MYO1E: variants seen among roughly 807,000 people sequenced by gnomAD.
The protein encoded by MYO1E is myosin IE.
In MYO1E, 68 loss-of-function variants were observed where a neutral mutation model predicts 151.1. The ratio of observed to expected loss-of-function variants is 0.45; its 90% CI spans 0.37 to 0.55. The LOEUF (loss-of-function observed/expected upper bound fraction) is 0.55. Ranked by LOEUF, MYO1E falls within the 20% of genes least tolerant of loss-of-function variation. MYO1E has a pLI of 0.00. For synonymous variants in MYO1E, 601 were observed against 501.7 expected (o/e 1.20, Z -2.64); for missense variants, 1,363 against 1,389.3 (o/e 0.98, Z 0.30).
At chr15:59,297,651 G>T (rs2080458705) in intron 1 of MYO1E, among the ~76,000 whole-genome samples, 1 of 151,390 alleles carries the variant, frequency 6.6e-6, no homozygotes, top group Non-Finnish European at 1.5e-5. Flanking sequence ...GTGCGATGAG[G>T]GCTCACTGCC....
At chr15:59,372,055 T>A (rs914979568) in intron 1 of MYO1E, among the ~76,000 whole-genome samples, 1 of 149,030 alleles carries the variant, frequency 6.7e-6, no homozygotes, top group East Asian at 2.0e-4. Context: ...GGCGCGAGGG[T>A]GCCCGGGGCG....
intron 26 of MYO1E, among the ~76,000 whole-genome samples, chr15:59,141,861 A>G (rs1267919462): frequency 6.7e-6 from 1 of 150,362 alleles, no homozygotes; most frequent in African/African-American, 2.5e-5. Context: ...TAATCCCAGC[A>G]CTTGGGGAGG....
At chr15:59,207,396 A>G in intron 14 of MYO1E, 1 of 1,614,058 alleles carries the variant, frequency 6.2e-7, no homozygotes, top group South Asian at 1.1e-5. Context: ...AAGAAAAGGG[A>G]GAAACGCGCC....
At chr15:59,146,627 G>A (rs764124344) in intron 26 of MYO1E, among the ~76,000 whole-genome samples, 5 of 151,782 alleles carry the variant, frequency 3.3e-5, no homozygotes, top group Non-Finnish European at 7.4e-5. Flanking sequence ...ATGATGGGGA[G>A]TTGCAGCAAG....
chr15:59,151,010 G>GACAC (rs60541381), intron 26 of MYO1E, among the ~76,000 whole-genome samples: 13 of 141,186 alleles, frequency 9.2e-5, no homozygotes, highest in South Asian at 4.8e-4. Flanking sequence ...AGAGGAGAGG[G>GACAC]ACACACACAC....
At chr15:59,282,625 T>A (rs544282238) in intron 1 of MYO1E, among the ~76,000 whole-genome samples, 18 of 151,398 alleles carry the variant, frequency 1.2e-4, no homozygotes, top group African/African-American at 4.4e-4. Flanking sequence ...GAGGGAGGAC[T>A]GCTTGAGCCC....
chr15:59,200,337 C>T (rs146074463), intron 16 of MYO1E, among the ~76,000 whole-genome samples: 153 of 152,326 alleles, frequency 1.0e-3, no homozygotes, highest in African/African-American at 3.5e-3. Context: ...AGACACTTCA[C>T]GCAGACATTA....
At chr15:59,202,450 C>T (rs972276340) in intron 15 of MYO1E, 43 bp from the exon 16 acceptor site, 1 of 1,565,822 alleles carries the variant, frequency 6.4e-7, no homozygotes, top group Non-Finnish European at 8.8e-7. Context: ...CTGTAAGTAC[C>T]TCTGGGGCTG....
chr15:59,180,075 C>T (rs2140320874), intron 18 of MYO1E, among the ~76,000 whole-genome samples: 1 of 152,348 alleles, frequency 6.6e-6, no homozygotes, highest in African/African-American at 2.4e-5. Context: ...TTTTAGGAGC[C>T]TTCTCTGCTC....
At chr15:59,333,574 C>T (rs1198112680) in intron 1 of MYO1E, among the ~76,000 whole-genome samples, 2 of 152,184 alleles carry the variant, frequency 1.3e-5, no homozygotes, top group Non-Finnish European at 2.9e-5. Flanking sequence ...CAACCTCCCA[C>T]ACCCATTGTG....
intron 1 of MYO1E, among the ~76,000 whole-genome samples, chr15:59,330,450 C>T (rs1420914596): frequency 1.3e-5 from 2 of 152,266 alleles, no homozygotes; most frequent in South Asian, 2.1e-4. Context: ...AGGCAAAGTA[C>T]GTATAACTCA....
At chr15:59,280,453 C>G (rs772876322) in intron 1 of MYO1E, among the ~76,000 whole-genome samples, 4 of 151,952 alleles carry the variant, frequency 2.6e-5, no homozygotes, top group Non-Finnish European at 5.9e-5. Context: ...TGTGAAACCC[C>G]GTCCCTGCTA....
At chr15:59,185,945 G>A (rs1255224809) in intron 18 of MYO1E, among the ~76,000 whole-genome samples, 2 of 152,208 alleles carry the variant, frequency 1.3e-5, no homozygotes, top group African/African-American at 4.8e-5. Flanking sequence ...AATGTCAGTG[G>A]TCTGAGGTTG....
chr15:59,327,704 T>C (rs1459129483), intron 1 of MYO1E, among the ~76,000 whole-genome samples: 6 of 152,158 alleles, frequency 3.9e-5, no homozygotes, highest in Admixed American at 3.9e-4. Flanking sequence ...ATATCCTAAA[T>C]CATCCTGACC....
At chr15:59,293,673 G>C (rs1479817681) in intron 1 of MYO1E, among the ~76,000 whole-genome samples, 3 of 152,154 alleles carry the variant, frequency 2.0e-5, no homozygotes, top group Admixed American at 2.0e-4. Flanking sequence ...AGGCATCACA[G>C]TGAATTCAGA....
chr15:59,327,885 T>C (rs2080675041), intron 1 of MYO1E, among the ~76,000 whole-genome samples: 1 of 152,176 alleles, frequency 6.6e-6, no homozygotes, highest in African/African-American at 2.4e-5. Flanking sequence ...GGACTGCCAT[T>C]TCCAGACATG....
chr15:59,142,514 C>T (rs1332593745), intron 26 of MYO1E, among the ~76,000 whole-genome samples: 5 of 152,242 alleles, frequency 3.3e-5, no homozygotes, highest in Non-Finnish European at 4.4e-5. Context: ...TTCTGTCCTT[C>T]GTGTCTTCCT....
At chr15:59,310,569 A>G (rs915064895) in intron 1 of MYO1E, among the ~76,000 whole-genome samples, 3 of 152,214 alleles carry the variant, frequency 2.0e-5, no homozygotes, top group Non-Finnish European at 2.9e-5. Flanking sequence ...GAGCAAAAGC[A>G]TGGAACAGAA....
chr15:59,346,074 A>C (rs1157585319), intron 1 of MYO1E, among the ~76,000 whole-genome samples: 1 of 152,220 alleles, frequency 6.6e-6, no homozygotes, highest in Non-Finnish European at 1.5e-5. Context: ...CCTGGAATCA[A>C]CATTTTTTCC....
Sources: gnomAD v4.1 joint callset for allele counts (sites outside exome capture counted in the v4.1 genomes callset) on GRCh38, gnomAD v4.1.1 for gene constraint, MANE v1.5 for transcripts, NCBI Gene and HGNC (gene_info 2026-07-23, HGNC 2026-07-21) for gene names.